GRK5: variants seen among roughly 807,000 people sequenced by gnomAD.
GRK5 encodes the protein g protein-coupled receptor kinase GRK5.
A neutral mutation model predicts 78.4 loss-of-function variants in GRK5; 40 were observed. The observed-to-expected ratio is 0.51, with a 90% CI of 0.40 to 0.66. The LOEUF is 0.66. Ranked by LOEUF, GRK5 falls within the 30% of genes least tolerant of loss-of-function variation. The pLI is 0.00. For synonymous variants in GRK5, 289 were observed against 296.8 expected (o/e 0.97, Z 0.27); for missense variants, 598 against 759.9 (o/e 0.79, Z 2.50).
chr10:119,219,486 C>T (rs1848629026), intron 1 of GRK5, among the ~76,000 whole-genome samples: 1 of 152,140 alleles, frequency 6.6e-6, no homozygotes, highest in Admixed American at 6.6e-5. Flanking sequence ...CTTCTGGTCA[C>T]AAGCATTTCA....
At chr10:119,346,462 C>CA (rs1851095185) in intron 2 of GRK5, among the ~76,000 whole-genome samples, 1 of 152,216 alleles carries the variant, frequency 6.6e-6, no homozygotes, top group African/African-American at 2.4e-5. Context: ...GAAAAAGCCC[C>CA]ATGGGGCCAG....
rs568006863 is a variant in GRK5, at chr10:119,272,352, G to A, written c.53-54164G>A. On this transcript the variant is annotated intron_variant, in intron 1 of 15. Coordinates refer to ENST00000392870, the MANE Select transcript of GRK5 (RefSeq NM_005308.3). ...AGCACTTTAGGAGGCTGAGGTGGGC[G>A]GATCACCTGAGGTCAGGAGTTCAAG... 7.2e-5 allele frequency among the ~76,000 whole-genome samples: 11 copies of A among 152,200 alleles called. No homozygotes were observed. The East Asian group carries it at 1.5e-3, about 21-fold the overall frequency.
chr10:119,351,978 A>G (rs1192148864), intron 2 of GRK5, among the ~76,000 whole-genome samples: 1 of 152,240 alleles, frequency 6.6e-6, no homozygotes, highest in Non-Finnish European at 1.5e-5. Context: ...CAAATTAAAA[A>G]GTGATCCTTC....
chr10:119,453,947 G>GTT (rs1377166745), intron 15 of GRK5, among the ~76,000 whole-genome samples: 79 of 152,166 alleles, frequency 5.2e-4, no homozygotes, highest in Non-Finnish European at 9.6e-4. Context: ...CGGGGGAAGG[G>GTT]CCCCCACCTC....
At chr10:119,293,807 G>GGCC (rs1850027577) in intron 1 of GRK5, among the ~76,000 whole-genome samples, 1 of 152,186 alleles carries the variant, frequency 6.6e-6, no homozygotes, top group African/African-American at 2.4e-5. Context: ...TGGTACCCGA[G>GGCC]TCTGGAGTAG....
Position 119,379,519 on chromosome 10 carries a change from C to A in GRK5, c.149-1296C>A, listed in dbSNP as rs1851678211. On this transcript the variant is annotated intron_variant, in intron 2 of 15. Coordinates refer to ENST00000392870, the MANE Select transcript of GRK5 (RefSeq NM_005308.3). The surrounding 1 kb of genome is among the most constrained non-coding windows in gnomAD (Gnocchi z 4.1). ...TGGCGTATCTCAAGAGAAATCCTTT[C>A]TAGGGGGGATGGTGTCTTAGCTCCT... 6.6e-6 allele frequency among the ~76,000 whole-genome samples: 1 copy of A among 152,128 alleles called. No individual in the cohort carries two copies. Among genetic ancestry groups the A allele is most frequent in the African/African-American group, 2.4e-5 (1 of 41,424 alleles).
At chr10:119,290,366 A>C (rs1259422063) in intron 1 of GRK5, among the ~76,000 whole-genome samples, 1 of 129,320 alleles carries the variant, frequency 7.7e-6, no homozygotes, top group African/African-American at 2.6e-5. Context: ...AAAAAAAACA[A>C]AAAACAACTC....
chr10:119,311,920 T>C (rs1050178726), intron 1 of GRK5, among the ~76,000 whole-genome samples: 2 of 150,656 alleles, frequency 1.3e-5, no homozygotes, highest in Non-Finnish European at 3.0e-5. Flanking sequence ...GTTCATTTTT[T>C]TTTTTTTTTT....
intron 1 of GRK5, among the ~76,000 whole-genome samples, chr10:119,213,524 A>T (rs909212441): frequency 1.4e-4 from 21 of 151,456 alleles, no homozygotes; most frequent in Non-Finnish European, 8.8e-5. Flanking sequence ...AAAGAAAAAT[A>T]AAAAATTAAA....
chr10:119,449,129 A>G (rs1375927242), intron 13 of GRK5, among the ~76,000 whole-genome samples: 4 of 152,232 alleles, frequency 2.6e-5, no homozygotes, highest in Non-Finnish European at 5.9e-5. Flanking sequence ...CAGAGAGCTC[A>G]TGTGCACCTC....
At chr10:119,245,515 A>G (rs1849093122) in intron 1 of GRK5, among the ~76,000 whole-genome samples, 2 of 152,236 alleles carry the variant, frequency 1.3e-5, no homozygotes, top group Admixed American at 6.5e-5. Context: ...AAGTAAAATA[A>G]GCTAGTCACA....
At chr10:119,256,826 T>G (rs1472249260) in intron 1 of GRK5, among the ~76,000 whole-genome samples, 1 of 152,210 alleles carries the variant, frequency 6.6e-6, no homozygotes, top group Non-Finnish European at 1.5e-5. Context: ...CACTATCTAA[T>G]TCCAAAACAC....
rs867586282 is a variant in GRK5 at position 119,209,380 on chromosome 10, G to T, written c.52+1411G>T. On this transcript the variant is annotated intron_variant, in intron 1 of 15. Coordinates refer to ENST00000392870, the MANE Select transcript of GRK5 (RefSeq NM_005308.3). ...ACCCCAGCAGAGTTTAAAATATTCAGGTTAGTCTCCCTCCCATTGCTTAGC... is the reference window on the plus strand; with the variant it reads ...ACCCCAGCAGAGTTTAAAATATTCATGTTAGTCTCCCTCCCATTGCTTAGC... 2.0e-5 allele frequency among the ~76,000 whole-genome samples: 3 copies of T among 151,920 alleles called. No individual in the cohort carries two copies. In the South Asian group the frequency reaches 6.2e-4, roughly 31 times the overall value.
At chr10:119,420,798 C>T (rs1852556444) in intron 4 of GRK5, among the ~76,000 whole-genome samples, 1 of 152,148 alleles carries the variant, frequency 6.6e-6, no homozygotes, top group African/African-American at 2.4e-5. Context: ...CCAGGCTGGT[C>T]TCAAACTCTT....
At chr10:119,444,792 C>T (rs1432143558) in intron 12 of GRK5, among the ~76,000 whole-genome samples, 1 of 152,362 alleles carries the variant, frequency 6.6e-6, no homozygotes, top group Middle Eastern at 3.4e-3. Flanking sequence ...TCCCACCCCT[C>T]TACATCTGCA....
chr10:119,225,151 A>G (rs1416501239), intron 1 of GRK5, among the ~76,000 whole-genome samples: 1 of 152,228 alleles, frequency 6.6e-6, no homozygotes. Context: ...GATTCTCGCA[A>G]TCCAAGAAAG....
Position 119,459,461 on chromosome 10 carries a change from C to T in GRK5, c.*4394C>T, listed in dbSNP as rs1220369444. The stretch of plus-strand genomic sequence containing the variant: ...GTCCATCAAGAAGTCATTTTTGTAA[C>T]AGTCCCTAAGCGAGTGTTCTCAATT... On this transcript the variant is annotated 3_prime_UTR_variant, in exon 16 of 16. Coordinates refer to ENST00000392870, the MANE Select transcript of GRK5 (RefSeq NM_005308.3). The T allele has an allele frequency of 6.6e-6, 1 of 152,210 alleles. No individual in the cohort carries two copies. Among genetic ancestry groups the T allele is most frequent in the Non-Finnish European group, 1.5e-5 (1 of 68,024 alleles). The allele number at this position is 152,210 out of a possible 1,614,324, so 9.4% of individuals were successfully genotyped here. A position where few individuals can be genotyped will look rare whatever the true frequency, so the allele number is the denominator to read the frequency against.
chr10:119,219,356 G>A (rs1468731049), intron 1 of GRK5, among the ~76,000 whole-genome samples: 1 of 152,208 alleles, frequency 6.6e-6, no homozygotes, highest in Non-Finnish European at 1.5e-5. Flanking sequence ...TGGGACTACA[G>A]GTGCGTGCCA....
At position 119,356,297 on chromosome 10, in the gene GRK5, G is replaced by C. The variant is rs112737362; in HGVS notation, c.149-24518G>C. 2.7e-3 allele frequency among the ~76,000 whole-genome samples: 417 copies of C among 152,324 alleles called. 4 individuals are homozygous for C. Among genetic ancestry groups the C allele is most frequent in the African/African-American group, 9.3e-3 (388 of 41,568 alleles). ...GAGGGCAATTTACAAAATATATAAT[G>C]ACAGTTCATTTGCTTAGACCTTCTT... On this transcript the variant is annotated intron_variant, in intron 2 of 15. Transcript: ENST00000392870.
Sources: gnomAD v4.1 joint callset for allele counts (sites outside exome capture counted in the v4.1 genomes callset) on GRCh38, gnomAD v4.1.1 for gene constraint, Gnocchi (gnomAD v3.1) non-coding constraint, MANE v1.5 for transcripts, NCBI Gene and HGNC (gene_info 2026-07-23, HGNC 2026-07-21) for gene names.